NELL1: variants seen among roughly 807,000 people sequenced by gnomAD.
NELL1 encodes the protein neural EGFL like 1.
A neutral mutation model predicts 107.4 loss-of-function variants in NELL1; 76 were observed. The observed-to-expected ratio is 0.71, with a 90% CI of 0.59 to 0.86. The LOEUF (loss-of-function observed/expected upper bound fraction) is 0.86. NELL1 is among the 40% of genes least tolerant of loss of function. NELL1 has a pLI of 0.00. For synonymous variants in NELL1, 353 were observed against 341.2 expected (o/e 1.03, Z -0.38); for missense variants, 1,024 against 1,005.5 (o/e 1.02, Z -0.25).
intron 13 of NELL1, among the ~76,000 whole-genome samples, chr11:21,126,096 T>C (rs1008174573): frequency 3.3e-5 from 5 of 152,108 alleles, no homozygotes; most frequent in Admixed American, 1.3e-4. Context: ...GAGGAACTTG[T>C]CTACAGCTGT....
chr11:20,999,817 T>C (rs1852175732), intron 12 of NELL1, among the ~76,000 whole-genome samples: 1 of 152,160 alleles, frequency 6.6e-6, no homozygotes, highest in South Asian at 2.1e-4. Context: ...ACTGGAAATG[T>C]CTCTCAGCTT....
At chr11:21,078,616 A>G (rs935270054) in intron 12 of NELL1, among the ~76,000 whole-genome samples, 1 of 152,154 alleles carries the variant, frequency 6.6e-6, no homozygotes, top group Non-Finnish European at 1.5e-5. Context: ...AACTATCTAT[A>G]TGTCTCTATA....
chr11:21,126,724 A>T (rs193062909), intron 13 of NELL1, among the ~76,000 whole-genome samples: 1 of 152,174 alleles, frequency 6.6e-6, no homozygotes, highest in Admixed American at 6.5e-5. Context: ...GCACCTTAAG[A>T]TACATTTGGA....
At chr11:21,248,349 AAAAAGAAAAG>A (rs368213568) in intron 14 of NELL1, among the ~76,000 whole-genome samples, 1 of 151,508 alleles carries the variant, frequency 6.6e-6, no homozygotes, top group Non-Finnish European at 1.5e-5. Flanking sequence ...GTCAAAAAAA[AAAAAGAAAAG>A]AAAAGAAAAG....
intron 12 of NELL1, among the ~76,000 whole-genome samples, chr11:21,113,261 C>T (rs1045570356): frequency 3.3e-5 from 5 of 151,892 alleles, no homozygotes; most frequent in East Asian, 3.9e-4. Context: ...TCATTGATAT[C>T]GACTTAGTGG....
chr11:20,875,612 G>A (rs1030278057), intron 4 of NELL1, among the ~76,000 whole-genome samples: 1 of 152,060 alleles, frequency 6.6e-6, no homozygotes, highest in Non-Finnish European at 1.5e-5. Context: ...AAACAATGAA[G>A]CATACTTTCT....
intron 14 of NELL1, among the ~76,000 whole-genome samples, chr11:21,340,513 A>G (rs1268724633): frequency 2.0e-5 from 3 of 152,084 alleles, no homozygotes; most frequent in Non-Finnish European, 4.4e-5. Context: ...CCCAATGTGT[A>G]TCAGAATGGG....
At chr11:21,002,874 T>G (rs1852253692) in intron 12 of NELL1, among the ~76,000 whole-genome samples, 1 of 152,180 alleles carries the variant, frequency 6.6e-6, no homozygotes, top group Non-Finnish European at 1.5e-5. Context: ...TTGGCTATTC[T>G]AGGAGCATCC....
At chr11:20,700,716 C>G (rs1854756977) in intron 2 of NELL1, among the ~76,000 whole-genome samples, 1 of 151,818 alleles carries the variant, frequency 6.6e-6, no homozygotes, top group Non-Finnish European at 1.5e-5. Context: ...TGTCCAAGTG[C>G]TCTCATTGTT....
At chr11:21,185,914 C>T (rs1168104204) in intron 13 of NELL1, among the ~76,000 whole-genome samples, 1 of 151,710 alleles carries the variant, frequency 6.6e-6, no homozygotes, top group Non-Finnish European at 1.5e-5. Flanking sequence ...GGGCTTATTG[C>T]AAGGCTATCA....
At chr11:21,283,921 A>G (rs1849052265) in intron 14 of NELL1, 1 of 242,900 alleles carries the variant, frequency 4.1e-6, no homozygotes, top group African/African-American at 2.2e-5. Context: ...CAATTCCTCC[A>G]TCAGCGAAGT....
chr11:21,465,079 C>T (rs528130314), intron 15 of NELL1, among the ~76,000 whole-genome samples: 8 of 151,932 alleles, frequency 5.3e-5, no homozygotes, highest in Admixed American at 1.3e-4. Flanking sequence ...GGTGAGTACA[C>T]GAAGGAATAC....
intron 13 of NELL1, among the ~76,000 whole-genome samples, chr11:21,137,704 A>G (rs201320356): frequency 1.3e-5 from 2 of 152,222 alleles, no homozygotes; most frequent in East Asian, 3.9e-4. Flanking sequence ...TGCTTAAGGC[A>G]TCATTTCAGG....
intron 2 of NELL1, among the ~76,000 whole-genome samples, chr11:20,717,834 T>C (rs1303127418): frequency 6.6e-6 from 1 of 152,228 alleles, no homozygotes; most frequent in East Asian, 1.9e-4. Flanking sequence ...CTACTTGTTT[T>C]GTCTTCCATC....
At chr11:21,204,943 G>A (rs2133853044) in intron 13 of NELL1, among the ~76,000 whole-genome samples, 1 of 152,270 alleles carries the variant, frequency 6.6e-6, no homozygotes, top group South Asian at 2.1e-4. Context: ...AGCAGACGCT[G>A]CAGAACAGCA....
intron 15 of NELL1, among the ~76,000 whole-genome samples, chr11:21,442,130 T>C (rs1400436470): frequency 6.6e-6 from 1 of 152,226 alleles, no homozygotes; most frequent in Non-Finnish European, 1.5e-5. Context: ...TAAAATAATT[T>C]ACAGCATTTA....
chr11:21,518,754 A>C (rs552672724), intron 15 of NELL1, among the ~76,000 whole-genome samples: 1 of 152,308 alleles, frequency 6.6e-6, no homozygotes, highest in African/African-American at 2.4e-5. Flanking sequence ...TTCAGAGAAA[A>C]GCAAGCCTAA....
At chr11:20,818,902 G>A (rs902693083) in intron 3 of NELL1, among the ~76,000 whole-genome samples, 7 of 152,180 alleles carry the variant, frequency 4.6e-5, no homozygotes, top group Middle Eastern at 3.2e-3. Context: ...TACTTCAAAT[G>A]TGTGGTGGCA....
At chr11:21,238,463 G>A (rs1372557471) in intron 14 of NELL1, among the ~76,000 whole-genome samples, 2 of 151,998 alleles carry the variant, frequency 1.3e-5, no homozygotes, top group Non-Finnish European at 2.9e-5. Flanking sequence ...ATGATGTTAG[G>A]ACTGATGCTG....
Sources: gnomAD v4.1 joint callset for allele counts (sites outside exome capture counted in the v4.1 genomes callset) on GRCh38, gnomAD v4.1.1 for gene constraint, MANE v1.5 for transcripts, NCBI Gene and HGNC (gene_info 2026-07-23, HGNC 2026-07-21) for gene names.